The following NWD2 variants were observed in gnomAD, a reference collection of about 807,000 sequenced individuals.
NWD2 encodes the protein NACHT and WD repeat domain containing 2.
NWD2 carries 37 observed loss-of-function variants against 132.7 expected under a neutral mutation model. The ratio of observed to expected loss-of-function variants is 0.28; its 90% CI spans 0.21 to 0.37. NWD2 has a LOEUF of 0.37. Ranked by LOEUF, NWD2 falls within the 10% of genes least tolerant of loss-of-function variation. The pLI, the probability that NWD2 is intolerant of heterozygous loss-of-function variation, is 1.00. For synonymous variants in NWD2, 705 were observed against 803.0 expected (o/e 0.88, Z 2.06); for missense variants, 1,592 against 2,122.4 (o/e 0.75, Z 4.91).
At chr4:37,392,554 A>C (rs1170786627) in intron 3 of NWD2, among the ~76,000 whole-genome samples, 1 of 152,098 alleles carries the variant, frequency 6.6e-6, no homozygotes, top group African/African-American at 2.4e-5. Flanking sequence ...CTGGGGAGCA[A>C]AATTCTCCTC....
intron 1 of NWD2, among the ~76,000 whole-genome samples, chr4:37,264,563 G>A (rs1343611375): frequency 6.6e-6 from 1 of 152,074 alleles, no homozygotes; most frequent in East Asian, 1.9e-4. Flanking sequence ...GTATTTGAAA[G>A]CTGTTAAGGC....
At chr4:37,423,191 A>G (rs1711875053) in intron 3 of NWD2, among the ~76,000 whole-genome samples, 1 of 152,186 alleles carries the variant, frequency 6.6e-6, no homozygotes, top group Non-Finnish European at 1.5e-5. Flanking sequence ...CAAAAATATT[A>G]CCTTCATGTC....
At chr4:37,264,580 G>A (rs1055343275) in intron 1 of NWD2, among the ~76,000 whole-genome samples, 7 of 152,038 alleles carry the variant, frequency 4.6e-5, no homozygotes, top group African/African-American at 1.2e-4. Context: ...AGGCAATAGC[G>A]CTATAAAATT....
chr4:37,384,724 A>G (rs1720523794), intron 3 of NWD2, among the ~76,000 whole-genome samples: 1 of 152,234 alleles, frequency 6.6e-6, no homozygotes, highest in Non-Finnish European at 1.5e-5. Context: ...AGATACATCT[A>G]AAAGACTTTT....
chr4:37,356,987 A>G (rs930847631), intron 3 of NWD2, among the ~76,000 whole-genome samples: 1 of 152,214 alleles, frequency 6.6e-6, no homozygotes, highest in Non-Finnish European at 1.5e-5. Context: ...TTTCAGCTAC[A>G]TGTTCATTAT....
rs1721175696 is a variant in NWD2, at chr4:37,412,303, C to T, written c.358-18269C>T. On this transcript the variant is annotated intron_variant, in intron 3 of 6. Coordinates refer to ENST00000309447, the MANE Select transcript of NWD2 (RefSeq NM_001144990.2). ...TCAGCAAAGTCTCAGGATATAAAAT[C>T]AATGTGCAAAAATCACAAGCATTCC... Among the ~76,000 whole-genome samples the T allele has an allele frequency of 2.6e-5, 4 of 152,186 alleles. 1 individual carries two copies. Among genetic ancestry groups the T allele is most frequent in the Admixed American group, 2.6e-4 (4 of 15,276 alleles).
chr4:37,369,670 G>A (rs77477634), intron 3 of NWD2, among the ~76,000 whole-genome samples: 7,246 of 152,212 alleles, frequency 0.048, 358 homozygotes, highest in East Asian at 0.12. Context: ...CAAGGAAGGA[G>A]TAATTTTCTA....
chr4:37,384,788 A>G (rs1720526271), intron 3 of NWD2, among the ~76,000 whole-genome samples: 1 of 152,204 alleles, frequency 6.6e-6, no homozygotes, highest in South Asian at 2.1e-4. Flanking sequence ...TTCCAAGGCT[A>G]GCAACTACAG....
At chr4:37,420,891 A>C (rs1577697938) in intron 3 of NWD2, among the ~76,000 whole-genome samples, 1 of 152,232 alleles carries the variant, frequency 6.6e-6, no homozygotes, top group East Asian at 1.9e-4. Context: ...TATTGAATGA[A>C]TCCTTGATAA....
chr4:37,442,381 A>G (rs963319329), intron 6 of NWD2, among the ~76,000 whole-genome samples: 2 of 152,214 alleles, frequency 1.3e-5, no homozygotes, highest in Admixed American at 1.3e-4. Context: ...TGGGCTCCTC[A>G]CATATTTTAT....
chr4:37,252,463 C>G (rs1184379208), intron 1 of NWD2, among the ~76,000 whole-genome samples: 1 of 152,196 alleles, frequency 6.6e-6, no homozygotes, highest in African/African-American at 2.4e-5. Context: ...TTTTATTTCT[C>G]TTTCAGTTAT....
chr4:37,309,101 T>G (rs1265174069), intron 1 of NWD2, among the ~76,000 whole-genome samples: 2 of 152,160 alleles, frequency 1.3e-5, no homozygotes, highest in African/African-American at 4.8e-5. Context: ...GGGCCAGTCC[T>G]GGGCCCCCAT....
At position 37,439,044 on chromosome 4, in the gene NWD2, T is replaced by C; in HGVS notation, c.950T>C (p.Val317Ala). 5 of 1,551,736 alleles carry C rather than the reference T, an allele frequency of 3.2e-6. No homozygotes were observed. Among genetic ancestry groups the C allele is most frequent in the African/African-American group, 1.4e-5 (1 of 73,156 alleles). The change falls in exon 6 of 7, where the codon GTG becomes GCG. Residue 317 changes from valine (V) to alanine (A), a missense_variant. Transcript: ENST00000309447. The surrounding 1 kb of genome is among the most constrained non-coding windows in gnomAD (Gnocchi z 4.5). ...PTIVASSNLR[V>A]YTSVTHCDMK... ...ATTGTTGCATCATCTAATCTGAGAG[T>C]GTACACATCTGTTACTCATTGTGAC... is the stretch of plus-strand genomic sequence containing the variant.
intron 3 of NWD2, among the ~76,000 whole-genome samples, chr4:37,359,621 T>C (rs1191199896): frequency 6.6e-6 from 1 of 152,074 alleles, no homozygotes; most frequent in Non-Finnish European, 1.5e-5. Context: ...AGTTTTTATA[T>C]CTTCAAAGGC....
intron 5 of NWD2, 125 bp from the exon 6 acceptor site, chr4:37,438,676 G>C (rs1712393056): frequency 3.2e-6 from 2 of 630,292 alleles, no homozygotes; most frequent in African/African-American, 3.7e-5. Context: ...TTATTCTAAA[G>C]ATTACTTCGC....
At chr4:37,248,829 G>A (rs2109253920) in intron 1 of NWD2, among the ~76,000 whole-genome samples, 1 of 152,330 alleles carries the variant, frequency 6.6e-6, no homozygotes, top group Middle Eastern at 3.4e-3. Flanking sequence ...GATGAAAACA[G>A]TGCAGGTCCA....
intron 3 of NWD2, among the ~76,000 whole-genome samples, chr4:37,366,793 AATATTTCT>A (rs961758526): frequency 6.6e-6 from 1 of 152,152 alleles, no homozygotes; most frequent in Non-Finnish European, 1.5e-5. Context: ...AGAAAAATGT[AATATTTCT>A]ATATTTCTAT....
intron 2 of NWD2, among the ~76,000 whole-genome samples, chr4:37,326,293 C>T (rs1719171815): frequency 6.6e-6 from 1 of 152,068 alleles, no homozygotes; most frequent in Non-Finnish European, 1.5e-5. Context: ...TTTTGACGGT[C>T]TCCACTATTA....
chr4:37,411,953 C>G (rs1275448607), intron 3 of NWD2, among the ~76,000 whole-genome samples: 1 of 152,154 alleles, frequency 6.6e-6, no homozygotes, highest in Non-Finnish European at 1.5e-5. Flanking sequence ...GCTAACAACT[C>G]TCAATAAACT....
Sources: allele counts gnomAD v4.1 joint callset (sites outside exome capture counted in the v4.1 genomes callset), GRCh38; gene constraint gnomAD v4.1.1; non-coding constraint Gnocchi (gnomAD v3.1); transcripts MANE v1.5; gene names NCBI Gene and HGNC (gene_info 2026-07-23, HGNC 2026-07-21).